ZFHX4: variants seen among roughly 807,000 people sequenced by gnomAD.
The protein encoded by ZFHX4 is zinc finger homeobox 4.
In ZFHX4, 56 loss-of-function variants were observed where a neutral mutation model predicts 267.6. The observed-to-expected ratio is 0.21, with a 90% CI of 0.17 to 0.26. ZFHX4 has a LOEUF of 0.26. ZFHX4 is among the 10% of genes least tolerant of loss of function. ZFHX4 has a pLI of 1.00. For missense variants in ZFHX4, 4,332 were observed against 4,420.0 expected (o/e 0.98, Z 0.56); for synonymous variants, 1,778 against 1,665.6 (o/e 1.07, Z -1.64).
At chr8:76,787,382 A>G (rs1158944375) in intron 4 of ZFHX4, among the ~76,000 whole-genome samples, 3 of 152,130 alleles carry the variant, frequency 2.0e-5, no homozygotes, top group South Asian at 2.1e-4. Context: ...TTAGGTAGTG[A>G]TACTCCAGAT....
At position 76,850,339 on chromosome 8, in the gene ZFHX4, C is replaced by A; in HGVS notation, c.3941C>A (p.Ala1314Asp). 1 of 1,612,286 alleles carries A rather than the reference C, an allele frequency of 6.2e-7. No individual in the cohort carries two copies. The highest frequency in any genetic ancestry group is 8.5e-7 in the Non-Finnish European group (1 of 1,179,292). Residue 1314 changes from alanine (A) to aspartate (D), a missense_variant, in exon 9 of 11, where the codon GCT becomes GAT. By Grantham distance (126) the Ala-to-Asp change is moderately radical (BLOSUM62 -2). Around this residue, in one of 7 missense-constraint regions of ZFHX4, gnomAD observed 1,371 missense variants for 1,423.1 expected, o/e 0.96. Transcript: ENST00000651372. Reference sequence around the variant, plus strand: ...CGGGACACACCTGCAGCCGTGACAGCTGAGGGGTCTGGGAAATATTCAGGT... The same window carrying A: ...CGGGACACACCTGCAGCCGTGACAGATGAGGGGTCTGGGAAATATTCAGGT... ...SERDTPAAVTAEGSGKYSGES... is the reference protein window; with the variant it reads ...SERDTPAAVTDEGSGKYSGES...
chr8:76,829,543 G>T (rs1585987320), intron 4 of ZFHX4, among the ~76,000 whole-genome samples: 1 of 152,136 alleles, frequency 6.6e-6, no homozygotes, highest in Admixed American at 6.5e-5. Flanking sequence ...AGGCGCGGTG[G>T]TTCAAGCCTG....
chr8:76,814,686 A>G (rs1811458669), intron 4 of ZFHX4, among the ~76,000 whole-genome samples: 1 of 151,822 alleles, frequency 6.6e-6, no homozygotes, highest in Non-Finnish European at 1.5e-5. Flanking sequence ...CTGAAACCCC[A>G]CTCCACTAAT....
intron 7 of ZFHX4, 76 bp downstream of exon 7, chr8:76,849,204 A>T (rs896462725): frequency 4.8e-6 from 7 of 1,446,812 alleles, no homozygotes; most frequent in Non-Finnish European, 6.5e-6. Flanking sequence ...GCCCCAAATG[A>T]TTCCATGCTG....
At position 76,705,229 on chromosome 8, in the gene ZFHX4, T is replaced by A. The variant is rs750223482; in HGVS notation, c.1141T>A (p.Phe381Ile). ...NGDSLPAGFA[F>I]LKGSASTSSS... ...TGACTCTTTGCCGGCTGGCTTTGCC[T>A]TCTTAAAAGGAAGCGCGAGCACCTC... The change falls in exon 2 of 11, where the codon TTC (phenylalanine) becomes ATC (isoleucine). Residue 381 changes from phenylalanine to isoleucine, a missense_variant. Coordinates refer to ENST00000651372, the MANE Select transcript of ZFHX4 (RefSeq NM_024721.5). 2.5e-6 allele frequency: 4 copies of A among 1,614,038 alleles called. No homozygotes were observed. The highest frequency in any genetic ancestry group is 3.4e-6 in the Non-Finnish European group (4 of 1,179,904).
In ZFHX4 at chr8:76,833,372, T is replaced by C. The variant is rs369946762; in HGVS notation, c.3360T>C (p.Asp1120=). Residue 1120 remains aspartate (D), a synonymous_variant, in exon 5 of 11, where the codon GAT becomes GAC. Transcript: ENST00000651372. The part of the protein sequence containing the change: ...TASLGARTCD[D]DLTEQQLRST... ...CATTGGGAGCCAGGACTTGTGATGATGATCTTACAGAGCAGCAGTTGAGAT... is the reference window on the plus strand; with the variant it reads ...CATTGGGAGCCAGGACTTGTGATGACGATCTTACAGAGCAGCAGTTGAGAT... The C allele has an allele frequency of 3.3e-5, 53 of 1,610,818 alleles. No homozygotes were observed. The highest frequency in any genetic ancestry group is 1.7e-4 in the Middle Eastern group (1 of 6,052).
intron 3 of ZFHX4, among the ~76,000 whole-genome samples, chr8:76,709,996 G>A (rs1263000053): frequency 6.6e-6 from 1 of 152,000 alleles, no homozygotes; most frequent in Non-Finnish European, 1.5e-5. Context: ...TATAAAGAGG[G>A]CCTTAAAGCA....
intron 1 of ZFHX4, among the ~76,000 whole-genome samples, chr8:76,689,897 T>C (rs1354652046): frequency 1.3e-5 from 2 of 152,098 alleles, no homozygotes; most frequent in African/African-American, 4.8e-5. Flanking sequence ...CACTTTAACA[T>C]TCTAGAGACT....
chr8:76,704,872 T>A lies in ZFHX4; in HGVS notation c.784T>A (p.Leu262Met). Residue 262 changes from leucine to methionine, a missense_variant, in exon 2 of 11, where the codon TTG (leucine) becomes ATG (methionine). Physicochemically the swap from Leu to Met is conservative, Grantham distance 15. Coordinates refer to ENST00000651372, the MANE Select transcript of ZFHX4 (RefSeq NM_024721.5). The stretch of plus-strand genomic sequence containing the variant: ...CAAAGATGTCCCTAACAATGTGGAC[T>A]TGTCCAAATTCGATGGTTGTGTTAG... ...VSKDVPNNVD[L>M]SKFDGCVSDG... 1 of 1,614,220 alleles carries A rather than the reference T, an allele frequency of 6.2e-7. No homozygotes were observed. Among genetic ancestry groups the A allele is most frequent in the Non-Finnish European group, 8.5e-7 (1 of 1,180,030 alleles).
At chr8:76,801,047 G>T (rs1811105176) in intron 4 of ZFHX4, among the ~76,000 whole-genome samples, 2 of 152,060 alleles carry the variant, frequency 1.3e-5, no homozygotes, top group Non-Finnish European at 2.9e-5. Flanking sequence ...GACCTCATTT[G>T]AAAGCAGTTT....
intron 1 of ZFHX4, chr8:76,703,618 G>T (rs1011719948): frequency 6.5e-6 from 1 of 154,604 alleles, no homozygotes; most frequent in South Asian, 2.0e-4. Flanking sequence ...ATAAAGAAAA[G>T]GTAAATTTTT....
intron 8 of ZFHX4, 182 bp from the exon 9 acceptor site, chr8:76,850,063 A>G (rs796288059): frequency 8.4e-6 from 5 of 593,316 alleles, no homozygotes; most frequent in African/African-American, 5.6e-5. Context: ...TAATAATACA[A>G]CATTGCCACA....
At chr8:76,832,234 A>G (rs575213552) in intron 4 of ZFHX4, among the ~76,000 whole-genome samples, 2 of 152,260 alleles carry the variant, frequency 1.3e-5, no homozygotes, top group Non-Finnish European at 2.9e-5. Context: ...GGCAGTTAAG[A>G]ATTATGTGAC....
At chr8:76,694,340 A>G (rs1199652959) in intron 1 of ZFHX4, among the ~76,000 whole-genome samples, 1 of 152,192 alleles carries the variant, frequency 6.6e-6, no homozygotes, top group Non-Finnish European at 1.5e-5. Flanking sequence ...TGTTTTTGAT[A>G]ATCCCTTCCC....
chr8:76,737,374 C>T (rs528322566), intron 3 of ZFHX4, among the ~76,000 whole-genome samples: 1 of 152,112 alleles, frequency 6.6e-6, no homozygotes, highest in Non-Finnish European at 1.5e-5. Flanking sequence ...ACATTTTATT[C>T]TGATGGATTA....
At chr8:76,842,834 C>G in intron 6 of ZFHX4, 63 bp downstream of exon 6, 1 of 1,155,330 alleles carries the variant, frequency 8.7e-7, no homozygotes, top group Middle Eastern at 2.0e-4. Flanking sequence ...ATCAACTCTT[C>G]CTTCACCATC....
intron 6 of ZFHX4, among the ~76,000 whole-genome samples, chr8:76,847,201 A>G (rs1812385724): frequency 1.3e-5 from 2 of 152,162 alleles, no homozygotes; most frequent in African/African-American, 4.8e-5. Context: ...CACTTCTAAA[A>G]CAATATTCCA....
chr8:76,792,993 A>G (rs1585950473), intron 4 of ZFHX4, among the ~76,000 whole-genome samples: 1 of 152,250 alleles, frequency 6.6e-6, no homozygotes, highest in East Asian at 1.9e-4. Context: ...CTTAATTAGC[A>G]CTGACTCCAG....
chr8:76,851,865 G>T lies in ZFHX4; in HGVS notation c.4944G>T (p.Gly1648=), dbSNP rs766277125. ...CAAATGTCAACAGCCCTGGCCAGGGGATGTTAGATTCCATGAGTTTAGCAG... is the reference window on the plus strand; with the variant it reads ...CAAATGTCAACAGCCCTGGCCAGGGTATGTTAGATTCCATGAGTTTAGCAG... ...IAANVNSPGQ[G]MLDSMSLAAV... Residue 1648 remains glycine (G), a synonymous_variant, in exon 10 of 11, where the codon GGG becomes GGT. Coordinates refer to ENST00000651372, the MANE Select transcript of ZFHX4 (RefSeq NM_024721.5). 3.1e-6 allele frequency: 5 copies of T among 1,613,942 alleles called. 1 individual carries two copies. The South Asian group carries it at 5.5e-5, about 18-fold the overall frequency.
Sources: allele counts gnomAD v4.1 joint callset (sites outside exome capture counted in the v4.1 genomes callset), GRCh38; gene constraint gnomAD v4.1.1; regional missense constraint gnomAD v4.1.1; transcripts MANE v1.5; gene names NCBI Gene and HGNC (gene_info 2026-07-23, HGNC 2026-07-21).